The following B4GALNT3 variants were observed in gnomAD, a reference collection of about 807,000 sequenced individuals.
B4GALNT3 encodes the protein beta-1,4-N-acetyl-galactosaminyltransferase 3.
Under a neutral mutation model 120.2 loss-of-function variants are expected in B4GALNT3, and 86 were observed. The ratio of observed to expected loss-of-function variants is 0.72; its 90% CI spans 0.60 to 0.86. The LOEUF (loss-of-function observed/expected upper bound fraction) is 0.86. B4GALNT3 is among the 40% of genes least tolerant of loss of function. B4GALNT3 has a pLI of 0.00. For missense variants in B4GALNT3, 1,167 were observed against 1,298.9 expected (o/e 0.90, Z 1.56); for synonymous variants, 518 against 510.4 (o/e 1.01, Z -0.20).
chr12:494,533 G>T (rs975656243), intron 1 of B4GALNT3, among the ~76,000 whole-genome samples: 32 of 152,286 alleles, frequency 2.1e-4, no homozygotes, highest in African/African-American at 7.7e-4. Flanking sequence ...TCCCATAGTA[G>T]TCATGCAGGA....
intron 1 of B4GALNT3, among the ~76,000 whole-genome samples, chr12:528,677 G>A (rs1038572260): frequency 6.6e-6 from 1 of 152,112 alleles, no homozygotes; most frequent in African/African-American, 2.4e-5. Flanking sequence ...GGTTTCTGGC[G>A]GGGTTCAGGC....
chr12:530,889 G>A (rs1946799985), intron 1 of B4GALNT3, among the ~76,000 whole-genome samples: 1 of 152,136 alleles, frequency 6.6e-6, no homozygotes. Context: ...GCTTTGTGAG[G>A]GCAGAATATG....
At chr12:535,802 C>T (rs553563251) in intron 2 of B4GALNT3, among the ~76,000 whole-genome samples, 1 of 152,296 alleles carries the variant, frequency 6.6e-6, no homozygotes, top group East Asian at 1.9e-4. Flanking sequence ...AAGGCTGAGC[C>T]TAGAACAGAC....
intron 1 of B4GALNT3, among the ~76,000 whole-genome samples, chr12:461,895 G>A (rs1278843557): frequency 2.0e-5 from 3 of 152,196 alleles, no homozygotes; most frequent in Admixed American, 2.0e-4. Flanking sequence ...CAGCTTCTCA[G>A]GTGAAAATGA....
intron 9 of B4GALNT3, 47 bp from the exon 10 acceptor site, chr12:549,722 C>G: frequency 6.2e-7 from 1 of 1,610,830 alleles, no homozygotes; most frequent in Non-Finnish European, 8.5e-7. Flanking sequence ...TGGGCTGCTG[C>G]GCTCCAGGCC....
At chr12:467,776 C>T (rs1473758361) in intron 1 of B4GALNT3, among the ~76,000 whole-genome samples, 1 of 152,182 alleles carries the variant, frequency 6.6e-6, no homozygotes, top group African/African-American at 2.4e-5. Context: ...TAGCACCCTG[C>T]CAGGGTGGAG....
rs142856638 is a variant in B4GALNT3 at position 546,947 on chromosome 12, T to C, written c.707+234T>C. 7.2e-3 allele frequency: 4,030 copies of C among 559,928 alleles called. 27 individuals carry two copies. The highest frequency in any genetic ancestry group is 0.027 in the Middle Eastern group (57 of 2,104). 34.7% of individuals were successfully genotyped at this position (559,928 alleles called of 1,614,324 possible). On this transcript the variant is annotated intron_variant, in intron 7 of 19. Transcript: ENST00000266383. The stretch of plus-strand genomic sequence containing the variant: ...ACTTATTGCAGGTCACGCAGCTCTT[T>C]AGTGACACGCGGGACTGGAAAATAG...
In B4GALNT3 at chr12:556,741, G is replaced by T. The variant is rs138955406; in HGVS notation, c.2255G>T (p.Gly752Val). Reference protein sequence around the residue: ...GEEVEARNLQGLVWDPHNRRR... With the variant: ...GEEVEARNLQVLVWDPHNRRR... ...GAGGTCGAGGCCCGGAACCTGCAAG[G>T]CCTGGTCTGGGACCCACACAACCGT... is the stretch of plus-strand genomic sequence containing the variant. Residue 752 changes from glycine (G) to valine (V), a missense_variant, in exon 15 of 20, where the codon GGC (glycine) becomes GTC (valine). Physicochemically the swap from Gly to Val is moderately radical, Grantham distance 109. Around this residue, in one of 3 missense-constraint regions of B4GALNT3, gnomAD observed 983 missense variants for 1,102.5 expected, o/e 0.89. Transcript: ENST00000266383. 967 of 1,612,768 alleles carry T rather than the reference G, an allele frequency of 6.0e-4. 11 individuals are homozygous for T. In the Admixed American group the frequency reaches 0.013, roughly 22 times the overall value.
At chr12:522,325 G>A (rs1050976836) in intron 1 of B4GALNT3, among the ~76,000 whole-genome samples, 2 of 152,212 alleles carry the variant, frequency 1.3e-5, no homozygotes, top group East Asian at 3.8e-4. Context: ...AGGATATTCA[G>A]CCTTAAAAAA....
chr12:504,534 A>AG (rs1298652116), intron 1 of B4GALNT3, among the ~76,000 whole-genome samples: 10 of 147,940 alleles, frequency 6.8e-5, no homozygotes, highest in African/African-American at 2.5e-4. Flanking sequence ...ATCTCAGCTC[A>AG]CTGCAACCTC....
chr12:476,993 A>C (rs974071795), intron 1 of B4GALNT3, among the ~76,000 whole-genome samples: 1 of 152,226 alleles, frequency 6.6e-6, no homozygotes, highest in Non-Finnish European at 1.5e-5. Flanking sequence ...CCAGGCAGTC[A>C]CTACAAATTG....
intron 18 of B4GALNT3, 65 bp from the exon 19 acceptor site, chr12:559,230 A>T (rs1301683254): frequency 1.2e-6 from 2 of 1,605,456 alleles, no homozygotes; most frequent in Non-Finnish European, 1.7e-6. Flanking sequence ...CACAGCCTGG[A>T]AGCCTCCTTC....
At position 544,751 on chromosome 12, in the gene B4GALNT3, G is replaced by T. The variant is rs576561177; in HGVS notation, c.448-131G>T. The T allele has an allele frequency of 5.9e-6, 5 of 841,676 alleles. No individual in the cohort carries two copies. In the African/African-American group the frequency reaches 8.6e-5, roughly 14 times the overall value. 52.1% of individuals were successfully genotyped at this position (841,676 alleles called of 1,614,324 possible). A position where few individuals can be genotyped will look rare whatever the true frequency, so the allele number is the denominator to read the frequency against. The stretch of plus-strand genomic sequence containing the variant: ...GCAAATGGGAACTGAAATTGAGCCT[G>T]CACTCCACTCACAAAGCCACAGCCC... On this transcript the variant is annotated intron_variant, in intron 4 of 19. Transcript: ENST00000266383.
chr12:545,706 G>A (rs1196608355), intron 6 of B4GALNT3, among the ~76,000 whole-genome samples: 1 of 140,222 alleles, frequency 7.1e-6, no homozygotes, highest in African/African-American at 2.7e-5. Flanking sequence ...GAGGAGTGAG[G>A]AATGGGGAGG....
At chr12:552,933 G>T in intron 13 of B4GALNT3, 1 of 535,936 alleles carries the variant, frequency 1.9e-6, no homozygotes, top group Non-Finnish European at 3.3e-6. Flanking sequence ...CACCTGCCGG[G>T]CATGTGATGC....
chr12:499,044 G>A (rs1286788402), intron 1 of B4GALNT3, among the ~76,000 whole-genome samples: 1 of 152,194 alleles, frequency 6.6e-6, no homozygotes, highest in Non-Finnish European at 1.5e-5. Context: ...ATCTGGTGGG[G>A]TATTCTAGAG....
chr12:498,255 G>A (rs1429037087), intron 1 of B4GALNT3, among the ~76,000 whole-genome samples: 2 of 151,956 alleles, frequency 1.3e-5, no homozygotes, highest in African/African-American at 4.8e-5. Flanking sequence ...TCTTCCTGCC[G>A]CTGAGAGGTG....
chr12:543,492 G>C (rs1343467722), intron 3 of B4GALNT3, among the ~76,000 whole-genome samples: 1 of 86,640 alleles, frequency 1.2e-5, no homozygotes, highest in South Asian at 4.9e-4. Context: ...GAGCTGGGAC[G>C]GGCATGGGGT....
Position 460,408 on chromosome 12 carries a change from T to TGCTCCTGCGCCCGGTGAA in B4GALNT3, c.36_53dup (p.Pro15_Arg20dup). 6.6e-7 allele frequency: 1 copy of TGCTCCTGCGCCCGGTGAA among 1,513,356 alleles called. No individual in the cohort carries two copies. The highest frequency in any genetic ancestry group is 8.8e-7 in the Non-Finnish European group (1 of 1,133,182). 93.7% of individuals were successfully genotyped at this position (1,513,356 alleles called of 1,614,324 possible). A position where few individuals can be genotyped will look rare whatever the true frequency, so the allele number is the denominator to read the frequency against. On this transcript the variant is annotated inframe_insertion, in exon 1 of 20. Transcript: ENST00000266383. The surrounding 1 kb of genome is among the most constrained non-coding windows in gnomAD (Gnocchi z 8.0). Reference sequence around the variant, plus strand: ...AGCCCCCGGGCCGCGCGGCCCCCGCTGCTCCTGCGCCCGGTGAAGCTGCTG... The same window carrying TGCTCCTGCGCCCGGTGAA: ...AGCCCCCGGGCCGCGCGGCCCCCGCTGCTCCTGCGCCCGGTGAAGCTCCTGCGCCCGGTGAAGCTGCTG...
Sources: allele counts gnomAD v4.1 joint callset (sites outside exome capture counted in the v4.1 genomes callset), GRCh38; gene constraint gnomAD v4.1.1; regional missense constraint gnomAD v4.1.1; non-coding constraint Gnocchi (gnomAD v3.1); transcripts MANE v1.5; gene names NCBI Gene and HGNC (gene_info 2026-07-23, HGNC 2026-07-21).